KCNMA1: variants seen among roughly 807,000 people sequenced by gnomAD.
KCNMA1 encodes the protein potassium calcium-activated channel subfamily M alpha 1.
Under a neutral mutation model 140.0 loss-of-function variants are expected in KCNMA1, and 29 were observed. That is an observed-to-expected ratio of 0.21 (90% CI 0.15 to 0.28). The LOEUF is 0.28. Ranked by LOEUF, KCNMA1 falls within the 10% of genes least tolerant of loss-of-function variation. The pLI is 1.00. For missense variants in KCNMA1, 880 were observed against 1,602.2 expected, an observed-to-expected ratio of 0.55 and a Z score of 7.70; for synonymous variants, 612 against 611.9, an observed-to-expected ratio of 1.00 and a Z score of 0.00.
chr10:77,572,680 C>T (rs1353010399), intron 1 of KCNMA1, among the ~76,000 whole-genome samples: 3 of 134,416 alleles, frequency 2.2e-5, no homozygotes, highest in South Asian at 2.4e-4. Flanking sequence ...CGCTTGAGCT[C>T]GAGAGGTCAA....
intron 3 of KCNMA1, among the ~76,000 whole-genome samples, chr10:77,209,100 C>T (rs1002119166): frequency 5.9e-5 from 9 of 152,158 alleles, no homozygotes; most frequent in African/African-American, 1.4e-4. Flanking sequence ...GCTGTCTCTT[C>T]GCCTCTCCTC....
chr10:77,509,101 T>TTTGTTG (rs71028281), intron 1 of KCNMA1, among the ~76,000 whole-genome samples: 5,534 of 118,974 alleles, frequency 0.047, 141 homozygotes, highest in Non-Finnish European at 0.064. Context: ...TTTGTTGGGT[T>TTTGTTG]TTGTTGTTGT....
At chr10:77,016,897 ATCATAATCTACTTT>A (rs1190720355) in intron 17 of KCNMA1, among the ~76,000 whole-genome samples, 2 of 152,112 alleles carry the variant, frequency 1.3e-5, no homozygotes, top group Non-Finnish European at 2.9e-5. Flanking sequence ...ATACGAGATC[ATCATAATCTACTTT>A]TCCATTTTTA....
chr10:77,582,359 A>G (rs990533520), intron 1 of KCNMA1, among the ~76,000 whole-genome samples: 10 of 152,240 alleles, frequency 6.6e-5, no homozygotes, highest in Admixed American at 1.3e-4. Flanking sequence ...AACTTAATAT[A>G]TGTGGAAGAG....
rs535509146 is a variant in KCNMA1, at chr10:77,295,510, G to A, written c.541-44254C>T. Among the ~76,000 whole-genome samples the A allele has an allele frequency of 1.2e-4, 18 of 152,118 alleles. No homozygotes were observed. The East Asian group carries it at 1.9e-3, about 16-fold the overall frequency. ...AATAAACAGTTTTCAGGCCGGGCGC[G>A]GTGGCTCACGCCTGTAATCCCAGCA... On this transcript the variant is annotated intron_variant, in intron 2 of 27. Coordinates refer to ENST00000286628, the MANE Select transcript of KCNMA1 (RefSeq NM_001161352.2).
At chr10:76,952,406 G>C (rs2066623158) in intron 21 of KCNMA1, among the ~76,000 whole-genome samples, 1 of 152,130 alleles carries the variant, frequency 6.6e-6, no homozygotes, top group African/African-American at 2.4e-5. Flanking sequence ...TATAGTCCCA[G>C]CTACTCGGGA....
chr10:76,961,055 T>C (rs2071208161), intron 20 of KCNMA1, among the ~76,000 whole-genome samples: 1 of 151,814 alleles, frequency 6.6e-6, no homozygotes, highest in Non-Finnish European at 1.5e-5. Context: ...GACTTATTAC[T>C]TAAGAAATAT....
chr10:77,395,968 A>G (rs2096036928), intron 2 of KCNMA1, among the ~76,000 whole-genome samples: 1 of 152,226 alleles, frequency 6.6e-6, no homozygotes, highest in Admixed American at 6.5e-5. Flanking sequence ...TTAATAGTAA[A>G]AAAAGAATGT....
chr10:77,003,731 T>G (rs2087321544), intron 18 of KCNMA1, among the ~76,000 whole-genome samples: 1 of 152,212 alleles, frequency 6.6e-6, no homozygotes, highest in Admixed American at 6.5e-5. Context: ...CCATTTTGGG[T>G]TTATGTACAA....
At chr10:77,231,973 C>T (rs370259197) in intron 3 of KCNMA1, among the ~76,000 whole-genome samples, 1 of 152,352 alleles carries the variant, frequency 6.6e-6, no homozygotes, top group South Asian at 2.1e-4. Flanking sequence ...AGTCAGTAAT[C>T]TATTCTCTGA....
intron 23 of KCNMA1, among the ~76,000 whole-genome samples, chr10:76,924,994 T>C (rs1446957974): frequency 6.6e-6 from 1 of 152,144 alleles, no homozygotes; most frequent in Non-Finnish European, 1.5e-5. Context: ...GTTCCCCCTC[T>C]TCCCTCCCAA....
At position 77,459,638 on chromosome 10, in the gene KCNMA1, A is replaced by T. The variant is rs61856122; in HGVS notation, c.379-55615T>A. Among the ~76,000 whole-genome samples the T allele has an allele frequency of 3.5e-3, 538 of 152,330 alleles. 2 individuals carry two copies. The highest frequency in any genetic ancestry group is 5.4e-3 in the Non-Finnish European group (365 of 68,026). On this transcript the variant is annotated intron_variant, in intron 1 of 27. Coordinates refer to ENST00000286628, the MANE Select transcript of KCNMA1 (RefSeq NM_001161352.2). ...GGTAATCAAAACACAGCTTTGAGACATCACTGTGCTGGTCACAAACCTGGC... is the reference window on the plus strand; with the variant it reads ...GGTAATCAAAACACAGCTTTGAGACTTCACTGTGCTGGTCACAAACCTGGC...
chr10:77,461,729 C>T (rs1426045345), intron 1 of KCNMA1, among the ~76,000 whole-genome samples: 2 of 152,200 alleles, frequency 1.3e-5, no homozygotes, highest in East Asian at 3.9e-4. Flanking sequence ...GTCACATATC[C>T]AGCATGGGCC....
At chr10:77,333,121 C>A (rs1217729398) in intron 2 of KCNMA1, among the ~76,000 whole-genome samples, 1 of 152,086 alleles carries the variant, frequency 6.6e-6, no homozygotes, top group Admixed American at 6.5e-5. Flanking sequence ...CCAGCCCATT[C>A]GAGAAGGCAA....
intron 2 of KCNMA1, among the ~76,000 whole-genome samples, chr10:77,394,512 G>T (rs2095965897): frequency 6.6e-6 from 1 of 152,204 alleles, no homozygotes; most frequent in Non-Finnish European, 1.5e-5. Context: ...GAAGCAGTGG[G>T]CAGGTGGATG....
At chr10:76,982,337 A>T (rs1253666990) in intron 19 of KCNMA1, among the ~76,000 whole-genome samples, 3 of 151,972 alleles carry the variant, frequency 2.0e-5, no homozygotes. Context: ...GGAAAAAAAA[A>T]AAAAAAGAAA....
At chr10:77,280,830 G>A (rs899644373) in intron 2 of KCNMA1, among the ~76,000 whole-genome samples, 3 of 152,028 alleles carry the variant, frequency 2.0e-5, no homozygotes, top group Non-Finnish European at 4.4e-5. Context: ...TGTCCTGCCT[G>A]TCCTCAACTG....
chr10:76,927,656 T>C (rs1352690412), intron 23 of KCNMA1, among the ~76,000 whole-genome samples: 5 of 152,232 alleles, frequency 3.3e-5, no homozygotes, highest in Non-Finnish European at 7.3e-5. Flanking sequence ...TTTCTACATG[T>C]GGTTGTTCAG....
intron 3 of KCNMA1, among the ~76,000 whole-genome samples, chr10:77,198,411 A>C (rs982221774): frequency 2.0e-5 from 3 of 151,946 alleles, no homozygotes; most frequent in Non-Finnish European, 4.4e-5. Context: ...CCACGCTCTC[A>C]AGTGAAGCCA....
Sources: allele counts gnomAD v4.1 joint callset (sites outside exome capture counted in the v4.1 genomes callset), GRCh38; gene constraint gnomAD v4.1.1; transcripts MANE v1.5; gene names NCBI Gene and HGNC (gene_info 2026-07-23, HGNC 2026-07-21).